The following ANKFY1 variants were observed in gnomAD, a reference collection of about 807,000 sequenced individuals.
The protein encoded by ANKFY1 is ankyrin repeat and FYVE domain containing 1.
In ANKFY1, 47 loss-of-function variants were observed where a neutral mutation model predicts 128.3. The observed-to-expected ratio is 0.37, with a 90% CI of 0.29 to 0.47. ANKFY1 has a LOEUF of 0.47. Among genes scored for constraint, ANKFY1 ranks in the 20% least tolerant of loss-of-function variants. ANKFY1 has a pLI of 1.00. For missense variants in ANKFY1, 1,222 were observed against 1,510.6 expected (o/e 0.81, Z 3.17); for synonymous variants, 553 against 601.6 (o/e 0.92, Z 1.18).
At chr17:4,238,379 C>T (rs973323817) in intron 2 of ANKFY1, among the ~76,000 whole-genome samples, 3 of 152,000 alleles carry the variant, frequency 2.0e-5, no homozygotes, top group East Asian at 1.9e-4. Context: ...TACCACATCT[C>T]GACAGCTTAG....
chr17:4,214,931 T>C (rs143366588), intron 4 of ANKFY1, among the ~76,000 whole-genome samples: 2,232 of 152,298 alleles, frequency 0.015, 25 homozygotes, highest in Non-Finnish European at 0.022. Context: ...ACACCGAACA[T>C]GTATTATACT....
At chr17:4,176,127 C>G (rs1303337147) in intron 19 of ANKFY1, among the ~76,000 whole-genome samples, 1 of 152,212 alleles carries the variant, frequency 6.6e-6, no homozygotes, top group Non-Finnish European at 1.5e-5. Flanking sequence ...AGTTCACACT[C>G]ACTGCCACGG....
chr17:4,228,080 G>A (rs1352919225), intron 3 of ANKFY1, among the ~76,000 whole-genome samples: 1 of 151,956 alleles, frequency 6.6e-6, no homozygotes, highest in African/African-American at 2.4e-5. Context: ...AACCCAGAAA[G>A]AACACAAATG....
chr17:4,170,830 G>A lies in ANKFY1; in HGVS notation c.3171C>T (p.Ala1057=), dbSNP rs144397517. 2.1e-4 allele frequency: 333 copies of A among 1,614,120 alleles called. 2 individuals carry two copies. The African/African-American group carries it at 3.3e-3, about 16-fold the overall frequency. ...ACCGGACGATGGCGCGGCACAAGTT[G>A]GCGTTCCCTTTCATGTATGCCAGGA... The part of the protein sequence containing the change: ...VLLLAYMKGN[A]NLCRAIVRSG... The change falls in exon 23 of 25, where the codon GCC becomes GCT. Residue 1057 remains alanine (A), a synonymous_variant. Transcript: ENST00000341657.
chr17:4,169,290 T>C lies in ANKFY1; in HGVS notation c.3287-2A>G. ...ACGGAGGCTCCTTGGACAGCATATCTGCAACACAGGGGGGAGGCCCGGTCC... is the reference window on the plus strand; with the variant it reads ...ACGGAGGCTCCTTGGACAGCATATCCGCAACACAGGGGGGAGGCCCGGTCC... On this transcript the variant is annotated splice_acceptor_variant, in intron 23 of 24. Transcript: ENST00000341657. LOFTEE classifies it high-confidence loss of function. The surrounding 1 kb of genome is among the most constrained non-coding windows in gnomAD (Gnocchi z 5.0). 6.5e-7 allele frequency: 1 copy of C among 1,546,540 alleles called. No homozygotes were observed. Among genetic ancestry groups the C allele is most frequent in the Middle Eastern group, 2.0e-4 (1 of 4,904 alleles).
chr17:4,179,194 T>A, intron 17 of ANKFY1, 137 bp from the exon 18 acceptor site: 1 of 926,584 alleles, frequency 1.1e-6, no homozygotes, highest in Non-Finnish European at 1.6e-6. Context: ...ACTCAGCTTT[T>A]GAAGAGGCCA....
chr17:4,240,474 T>C (rs1394762366), intron 2 of ANKFY1, among the ~76,000 whole-genome samples: 3 of 150,586 alleles, frequency 2.0e-5, no homozygotes, highest in African/African-American at 4.9e-5. Flanking sequence ...TCACTGCAAC[T>C]TCCACCTCCC....
At chr17:4,220,235 C>G (rs2060287277) in intron 3 of ANKFY1, among the ~76,000 whole-genome samples, 1 of 152,212 alleles carries the variant, frequency 6.6e-6, no homozygotes, top group South Asian at 2.1e-4. Flanking sequence ...TGTCTAAGAT[C>G]ACCATAGTAG....
At chr17:4,210,500 G>C (rs980834290) in intron 4 of ANKFY1, among the ~76,000 whole-genome samples, 1 of 152,066 alleles carries the variant, frequency 6.6e-6, no homozygotes, top group African/African-American at 2.4e-5. Context: ...CCTGAGGTCG[G>C]GAGTTCGAGA....
intron 1 of ANKFY1, among the ~76,000 whole-genome samples, chr17:4,258,919 A>G (rs1407062519): frequency 6.6e-6 from 1 of 152,166 alleles, no homozygotes; most frequent in East Asian, 1.9e-4. Context: ...TTTCTGTTCA[A>G]TATACTATTT....
intron 1 of ANKFY1, among the ~76,000 whole-genome samples, chr17:4,262,942 T>C (rs1460176815): frequency 6.6e-6 from 1 of 152,148 alleles, no homozygotes; most frequent in Non-Finnish European, 1.5e-5. Context: ...CATCAAGTGA[T>C]GGGTTCAGTC....
At chr17:4,235,291 C>T (rs904588618) in intron 3 of ANKFY1, among the ~76,000 whole-genome samples, 5 of 137,322 alleles carry the variant, frequency 3.6e-5, no homozygotes, top group Non-Finnish European at 7.6e-5. Context: ...TGCAGAGAGC[C>T]GAGATCACTA....
At position 4,197,412 on chromosome 17, in the gene ANKFY1, T is replaced by C; in HGVS notation, c.1064A>G (p.Gln355Arg). The C allele has an allele frequency of 6.2e-7, 1 of 1,614,228 alleles. No individual in the cohort carries two copies. ...CTGCATGTTGGGGTTGGCACCAGCCTGCAGAAGGGCCTCTGCAATCTGCGC... is the reference window on the plus strand; with the variant it reads ...CTGCATGTTGGGGTTGGCACCAGCCCGCAGAAGGGCCTCTGCAATCTGCGC... ...EMAQIAEALL[Q>R]AGANPNMQDS... Residue 355 changes from glutamine (Q) to arginine (R), a missense_variant, in exon 8 of 25, where the codon CAG becomes CGG. Physicochemically the swap from Gln to Arg is conservative, Grantham distance 43. Coordinates refer to ENST00000341657, the MANE Select transcript of ANKFY1 (RefSeq NM_001330063.2).
chr17:4,235,765 G>A lies in ANKFY1; in HGVS notation c.322+7C>T. ...AGTTTTGTGTCCCTGATCACTCAAAGGCTCACCTGACAGGTCCAACTCTTT... is the reference window on the plus strand; with the variant it reads ...AGTTTTGTGTCCCTGATCACTCAAAAGCTCACCTGACAGGTCCAACTCTTT... On this transcript the variant is annotated splice_region_variant and intron_variant, in intron 3 of 24. Transcript: ENST00000341657. 1 of 1,610,590 alleles carries A rather than the reference G, an allele frequency of 6.2e-7. No homozygotes were observed. Among genetic ancestry groups the A allele is most frequent in the South Asian group, 1.1e-5 (1 of 90,994 alleles).
rs759069879 is a variant in ANKFY1, at chr17:4,173,336, C to G, written c.3014+18G>C. On this transcript the variant is annotated intron_variant, in intron 21 of 24. Coordinates refer to ENST00000341657, the MANE Select transcript of ANKFY1 (RefSeq NM_001330063.2). ...CAGGCCAGGCGCCGCGGGGCCTACTCGGGCCCAACGCGCTCACCTGAGATT... is the reference window on the plus strand; with the variant it reads ...CAGGCCAGGCGCCGCGGGGCCTACTGGGGCCCAACGCGCTCACCTGAGATT... 1 of 1,611,422 alleles carries G rather than the reference C, an allele frequency of 6.2e-7. No individual in the cohort carries two copies. The highest frequency in any genetic ancestry group is 8.5e-7 in the Non-Finnish European group (1 of 1,178,034).
chr17:4,211,898 AAAC>A (rs1174605364), intron 4 of ANKFY1, among the ~76,000 whole-genome samples: 1 of 47,298 alleles, frequency 2.1e-5, no homozygotes, highest in East Asian at 8.3e-4. Context: ...AAAAAAAACA[AAAC>A]AAAAACAAAC....
intron 7 of ANKFY1, 114 bp downstream of exon 7, chr17:4,206,207 G>A: frequency 9.2e-7 from 1 of 1,090,884 alleles, no homozygotes; most frequent in East Asian, 2.4e-5. Flanking sequence ...TGTAGCCTGT[G>A]AGTACAGACT....
intron 1 of ANKFY1, among the ~76,000 whole-genome samples, chr17:4,252,792 A>G (rs1967907323): frequency 6.6e-6 from 1 of 152,248 alleles, no homozygotes. Context: ...AAACAACCGG[A>G]ATGTCCAGCT....
intron 2 of ANKFY1, among the ~76,000 whole-genome samples, chr17:4,237,779 A>ACTGGAC (rs1966982484): frequency 6.6e-6 from 1 of 152,184 alleles, no homozygotes; most frequent in Admixed American, 6.5e-5. Flanking sequence ...GTCCATGAGG[A>ACTGGAC]TTCTATGTTG....
Sources: gnomAD v4.1 joint callset for allele counts (sites outside exome capture counted in the v4.1 genomes callset) on GRCh38, gnomAD v4.1.1 for gene constraint, Gnocchi (gnomAD v3.1) non-coding constraint, MANE v1.5 for transcripts, NCBI Gene and HGNC (gene_info 2026-07-23, HGNC 2026-07-21) for gene names.